WBP11: variants seen among roughly 807,000 people sequenced by gnomAD.
WBP11 encodes WW domain binding protein 11.
In WBP11, 12 loss-of-function variants were observed where a neutral mutation model predicts 66.7. That is an observed-to-expected ratio of 0.18 (90% confidence interval 0.12 to 0.29). The LOEUF is 0.29. Among genes scored for constraint, WBP11 ranks in the 10% least tolerant of loss-of-function variants. The pLI, the probability that WBP11 is intolerant of heterozygous loss-of-function variation, is 1.00. For missense variants in WBP11, 555 were observed against 818.3 expected, an observed-to-expected ratio of 0.68 and a Z score of 3.93; for synonymous variants, 255 against 273.8, an observed-to-expected ratio of 0.93 and a Z score of 0.68.
chr12:14,790,368 A>T (rs1949806030), intron 10 of WBP11, 88 bp downstream of exon 10: 1 of 1,478,676 alleles, frequency 6.8e-7, no homozygotes, highest in Middle Eastern at 2.0e-4. Flanking sequence ...GAAACAAGAA[A>T]ACATGAACAC....
chr12:14,791,932 T>C, intron 8 of WBP11, among the ~76,000 whole-genome samples: 1 of 151,442 alleles, frequency 6.6e-6, no homozygotes. Flanking sequence ...AGCTAAGATA[T>C]GAGGATGCAA....
intron 8 of WBP11, among the ~76,000 whole-genome samples, chr12:14,792,211 TAAAGAACTTAA>T (rs1949828876): frequency 6.6e-6 from 1 of 151,712 alleles, no homozygotes; most frequent in African/African-American, 2.4e-5. Flanking sequence ...TCTAATTCAC[TAAAGAACTTAA>T]AAAAAACAAA....
At chr12:14,794,433 C>T (rs1391239776) in intron 7 of WBP11, 104 bp downstream of exon 7, 1 of 1,242,228 alleles carries the variant, frequency 8.1e-7, no homozygotes, top group Non-Finnish European at 1.2e-6. Context: ...GTACATGATA[C>T]CCTCTCATTT....
intron 4 of WBP11, 139 bp from the exon 5 acceptor site, chr12:14,797,142 T>TAA: frequency 1.9e-6 from 1 of 536,252 alleles, no homozygotes; most frequent in East Asian, 3.4e-5. Flanking sequence ...TTTTCAATTT[T>TAA]ATTCGAAGAA....
chr12:14,796,676 A>T lies in WBP11; in HGVS notation c.387+131T>A. The T allele has an allele frequency of 1.1e-6, 1 of 875,574 alleles. No individual in the cohort carries two copies. The highest frequency in any genetic ancestry group is 2.3e-5 in the South Asian group (1 of 43,822). The allele number at this position is 875,574 out of a possible 1,614,324, so 54.2% of individuals were successfully genotyped here. On this transcript the variant is annotated intron_variant, in intron 5 of 11. Coordinates refer to ENST00000261167, the MANE Select transcript of WBP11 (RefSeq NM_016312.3). This position sits in a 1 kb window ranked among gnomAD's most constrained non-coding sequence, Gnocchi z 4.5. The stretch of plus-strand genomic sequence containing the variant: ...CAAAATATATGCAAATATACACAAA[A>T]ACAAAACAAAATATAAAAAAAACCC...
At position 14,785,377 on chromosome 12, in the gene WBP11, AT is replaced by A. The variant is rs1592213037; in HGVS notation, c.*1687del. On this transcript the variant is annotated 3_prime_UTR_variant, in exon 12 of 12. Coordinates refer to ENST00000261167, the MANE Select transcript of WBP11 (RefSeq NM_016312.3). ...TGGGAAATAATTCTGTTTATGCTGA[AT>A]AACTAACAATATTGATACCATATGG... 2.0e-5 allele frequency: 3 copies of A among 152,216 alleles called. No homozygotes were observed. The East Asian group carries it at 5.8e-4, about 29-fold the overall frequency. The allele number at this position is 152,216 out of a possible 1,614,324, so 9.4% of individuals were successfully genotyped here. A position where few individuals can be genotyped will look rare whatever the true frequency, so the allele number is the denominator to read the frequency against.
chr12:14,791,928 GA>G (rs1005376958), intron 8 of WBP11, among the ~76,000 whole-genome samples: 1 of 150,310 alleles, frequency 6.7e-6, no homozygotes, highest in African/African-American at 2.4e-5. Context: ...TGGGAGCTAA[GA>G]TATGAGGATG....
chr12:14,786,458 T>C lies in WBP11; in HGVS notation c.*607A>G, dbSNP rs2137225894. On this transcript the variant is annotated 3_prime_UTR_variant, in exon 12 of 12. Coordinates refer to ENST00000261167, the MANE Select transcript of WBP11 (RefSeq NM_016312.3). ...TAAAATAGGTATTATGTTTACATAT[T>C]ATCAGTAACACAGAGTATCTTGGTG... 1 of 152,374 alleles carries C rather than the reference T, an allele frequency of 6.6e-6. No homozygotes were observed. The highest frequency in any genetic ancestry group is 6.5e-5 in the Admixed American group (1 of 15,308). 9.4% of individuals were successfully genotyped at this position (152,374 alleles called of 1,614,324 possible). A position where few individuals can be genotyped will look rare whatever the true frequency, so the allele number is the denominator to read the frequency against.
rs550993200 is a variant in WBP11, at chr12:14,796,173, TTC to T, written c.387+632_387+633del. 1.7e-3 allele frequency among the ~76,000 whole-genome samples: 252 copies of T among 152,332 alleles called. 4 individuals carry two copies. The highest frequency in any genetic ancestry group is 2.9e-4 in the Non-Finnish European group (20 of 68,018). The stretch of plus-strand genomic sequence containing the variant: ...TGTTTTTGAGATTTACTCACAATTT[TTC>T]TTTTTTTATTCCATGCTGTTTTGAG... On this transcript the variant is annotated intron_variant, in intron 5 of 11. Transcript: ENST00000261167. This position sits in a 1 kb window ranked among gnomAD's most constrained non-coding sequence, Gnocchi z 4.5.
chr12:14,793,034 C>T (rs1296314050), intron 8 of WBP11, among the ~76,000 whole-genome samples: 1 of 151,840 alleles, frequency 6.6e-6, no homozygotes, highest in Admixed American at 6.6e-5. Context: ...CTTTTTTGTT[C>T]TTGCAACCAT....
intron 11 of WBP11, 32 bp from the exon 12 acceptor site, chr12:14,787,530 G>GT (rs755889357): frequency 2.8e-6 from 4 of 1,433,708 alleles, no homozygotes; most frequent in Non-Finnish European, 9.2e-7. Context: ...GATGAATACT[G>GT]TAAGAACTAA....
In WBP11 at chr12:14,794,575, C is replaced by T. The variant is rs11611346; in HGVS notation, c.683G>A (p.Arg228His). ...KVGFALDLPP[R>H]RRDEDMLYSP... is the part of the protein sequence containing the mutation. Reference sequence around the variant, plus strand: ...ATATAACATGTCTTCATCTCGCCTACGAGGGGGAAGATCTAGGGCAAAACC... The same window carrying T: ...ATATAACATGTCTTCATCTCGCCTATGAGGGGGAAGATCTAGGGCAAAACC... The change falls in exon 7 of 12, where the codon CGT (arginine) becomes CAT (histidine). Residue 228 changes from arginine (R) to histidine (H), a missense_variant. Physicochemically the swap from Arg to His is conservative, Grantham distance 29 (BLOSUM62 0). This residue lies in a region of WBP11 where 220 missense variants were observed against 268.2 expected (regional missense o/e 0.82). Transcript: ENST00000261167. The T allele has an allele frequency of 6.3e-5, 102 of 1,613,828 alleles. No individual in the cohort carries two copies. Among genetic ancestry groups the T allele is most frequent in the Non-Finnish European group, 8.3e-5 (98 of 1,180,012 alleles).
At chr12:14,801,048 C>T in intron 2 of WBP11, 2 of 456,996 alleles carry the variant, frequency 4.4e-6, no homozygotes, top group East Asian at 6.6e-5. Context: ...GAAACAAGGG[C>T]TCGCAAAACT....
In WBP11 at chr12:14,786,988, T is replaced by C; in HGVS notation, c.*77A>G. ...TACCCTGACAATGGAAGCAGCTCTT[T>C]CATCTAAGTTTAATAAGAGCCTCTT... On this transcript the variant is annotated 3_prime_UTR_variant, in exon 12 of 12. Transcript: ENST00000261167. 1.5e-6 allele frequency: 2 copies of C among 1,369,626 alleles called. No homozygotes were observed. Among genetic ancestry groups the C allele is most frequent in the East Asian group, 4.9e-5 (2 of 41,156 alleles). 84.8% of individuals were successfully genotyped at this position (1,369,626 alleles called of 1,614,324 possible).
At chr12:14,790,001 G>C (rs1444808707) in intron 10 of WBP11, among the ~76,000 whole-genome samples, 1 of 152,134 alleles carries the variant, frequency 6.6e-6, no homozygotes, top group East Asian at 1.9e-4. Context: ...TTAATAAACA[G>C]ACTAATCACC....
intron 10 of WBP11, 124 bp from the exon 11 acceptor site, chr12:14,789,257 T>C (rs1257811740): frequency 2.2e-6 from 2 of 903,180 alleles, no homozygotes; most frequent in Non-Finnish European, 3.2e-6. Context: ...AAGAAGTTAA[T>C]GAAACATACA....
rs764455334 is a variant in WBP11 at position 14,789,113 on chromosome 12, G to C, written c.1330C>G (p.Pro444Ala). Residue 444 changes from proline to alanine, a missense_variant, in exon 11 of 12, where the codon CCA becomes GCA. Transcript: ENST00000261167. ...PPPGAPPFLR[P>A]PGMPGLRGPL... ...CCTCGGAGTCCTGGCATTCCAGGTG[G>C]TCTCAGGAATGGAGGAGCTCCTGAA... 10 of 1,531,834 alleles carry C rather than the reference G, an allele frequency of 6.5e-6. No homozygotes were observed. The highest frequency in any genetic ancestry group is 8.7e-6 in the Non-Finnish European group (10 of 1,150,148). The allele number at this position is 1,531,834 out of a possible 1,614,324, so 94.9% of individuals were successfully genotyped here. A position where few individuals can be genotyped will look rare whatever the true frequency, so the allele number is the denominator to read the frequency against.
intron 7 of WBP11, 128 bp downstream of exon 7, chr12:14,794,409 T>C: frequency 1.0e-6 from 1 of 978,730 alleles, no homozygotes; most frequent in Non-Finnish European, 1.6e-6. Context: ...TCCAACTGTA[T>C]GTATATTAGT....
chr12:14,794,942 GCTCT>G (rs1949873409), intron 6 of WBP11, 25 bp downstream of exon 6: 2 of 1,611,972 alleles, frequency 1.2e-6, no homozygotes, highest in Admixed American at 1.7e-5. Context: ...TTTACTAAAT[GCTCT>G]CTGATTGTGA....
Sources: allele counts gnomAD v4.1 joint callset (sites outside exome capture counted in the v4.1 genomes callset), GRCh38; gene constraint gnomAD v4.1.1; regional missense constraint gnomAD v4.1.1; non-coding constraint Gnocchi (gnomAD v3.1); transcripts MANE v1.5; gene names NCBI Gene and HGNC (gene_info 2026-07-23, HGNC 2026-07-21).